The following MPPED1 variants were observed in gnomAD, a reference collection of about 807,000 sequenced individuals.
MPPED1 encodes the protein metallophosphoesterase domain containing 1.
A neutral mutation model predicts 36.2 loss-of-function variants in MPPED1; 16 were observed. The observed-to-expected ratio is 0.44, with a 90% confidence interval of 0.30 to 0.67. The LOEUF is 0.67. MPPED1 is among the 30% of genes least tolerant of loss of function. MPPED1 has a pLI of 0.10. For synonymous variants in MPPED1, 199 were observed against 191.3 expected (o/e 1.04, Z -0.33); for missense variants, 307 against 453.4 (o/e 0.68, Z 2.93).
rs570382671 is a variant in MPPED1, at chr22:43,489,278, G to T, written c.633-8957G>T. 9.7e-4 allele frequency among the ~76,000 whole-genome samples: 147 copies of T among 152,204 alleles called. 1 individual carries two copies. The highest frequency in any genetic ancestry group is 3.3e-3 in the African/African-American group (137 of 41,530). ...CCTCTGCCCAGGGCAGAGCCTGATG[G>T]TGGTTTCCATGAATGTTGTACAGGA... On this transcript the variant is annotated intron_variant, in intron 4 of 6. Coordinates refer to ENST00000443721, the MANE Select transcript of MPPED1 (RefSeq NM_001044370.2).
chr22:43,419,323 C>G (rs1338787297), intron 1 of MPPED1: 1 of 152,212 alleles, frequency 6.6e-6, no homozygotes, highest in East Asian at 1.9e-4. Flanking sequence ...AGGCTCCTGA[C>G]CCAGCCAGGG....
intron 4 of MPPED1, among the ~76,000 whole-genome samples, chr22:43,488,133 G>T (rs1046125854): frequency 2.6e-5 from 4 of 152,132 alleles, no homozygotes; most frequent in African/African-American, 9.7e-5. Flanking sequence ...TGGAGAGGCC[G>T]TGGGCACTGC....
rs1928922576 is a variant in MPPED1, at chr22:43,412,138, C to G, written c.-99C>G. On this transcript the variant is annotated 5_prime_UTR_variant, in exon 1 of 7. Transcript: ENST00000443721. Reference sequence around the variant, plus strand: ...TGCTGCTCGCAGCCGCCGCGGCCGCCGAAGAGGAGCCCGGGGCCAGGTAGG... The same window carrying G: ...TGCTGCTCGCAGCCGCCGCGGCCGCGGAAGAGGAGCCCGGGGCCAGGTAGG... The G allele has an allele frequency of 8.2e-6, 8 of 979,364 alleles. No individual in the cohort carries two copies. The highest frequency in any genetic ancestry group is 6.0e-6 in the Non-Finnish European group (5 of 827,620). The allele number at this position is 979,364 out of a possible 1,614,324, so 60.7% of individuals were successfully genotyped here.
At chr22:43,504,274 A>G (rs1286332178) in intron 6 of MPPED1, among the ~76,000 whole-genome samples, 1 of 151,872 alleles carries the variant, frequency 6.6e-6, no homozygotes. Flanking sequence ...TGCTGATACA[A>G]TAATAATGAG....
intron 3 of MPPED1, among the ~76,000 whole-genome samples, chr22:43,458,890 G>A (rs1428641053): frequency 1.3e-5 from 2 of 152,162 alleles, no homozygotes; most frequent in Admixed American, 6.5e-5. Flanking sequence ...GAAGCCAGCT[G>A]CTACTGAGGA....
intron 2 of MPPED1, 106 bp downstream of exon 2, chr22:43,425,315 A>C: frequency 6.9e-7 from 1 of 1,441,054 alleles, no homozygotes; most frequent in South Asian, 1.5e-5. Flanking sequence ...CAAGCATTGA[A>C]TGTTTGTTGA....
intron 1 of MPPED1, among the ~76,000 whole-genome samples, chr22:43,414,176 G>C (rs1268483187): frequency 6.6e-6 from 1 of 152,214 alleles, no homozygotes; most frequent in Non-Finnish European, 1.5e-5. Context: ...CATCGTTCTT[G>C]AAAAGCCTGC....
At chr22:43,494,653 G>A (rs572478060) in intron 4 of MPPED1, among the ~76,000 whole-genome samples, 20 of 133,350 alleles carry the variant, frequency 1.5e-4, no homozygotes, top group Middle Eastern at 7.3e-3. Flanking sequence ...AGGTCCTGGG[G>A]GTTGGCAACA....
At chr22:43,489,421 C>T (rs1932015482) in intron 4 of MPPED1, among the ~76,000 whole-genome samples, 1 of 152,106 alleles carries the variant, frequency 6.6e-6, no homozygotes, top group Non-Finnish European at 1.5e-5. Context: ...AAGAAGTCCC[C>T]CTTTCCCAGC....
At chr22:43,463,445 C>A (rs886171794) in intron 3 of MPPED1, among the ~76,000 whole-genome samples, 1 of 151,896 alleles carries the variant, frequency 6.6e-6, no homozygotes, top group African/African-American at 2.4e-5. Context: ...TGTCCTCCCA[C>A]CTCAGCCTCC....
At chr22:43,482,198 G>A (rs1158598420) in intron 4 of MPPED1, among the ~76,000 whole-genome samples, 1 of 152,186 alleles carries the variant, frequency 6.6e-6, no homozygotes, top group Non-Finnish European at 1.5e-5. Context: ...TCATTTAACT[G>A]AAAACGGCCT....
intron 5 of MPPED1, among the ~76,000 whole-genome samples, chr22:43,500,670 C>G (rs984939165): frequency 6.6e-6 from 1 of 152,028 alleles, no homozygotes; most frequent in African/African-American, 2.4e-5. Context: ...CCATCACTCC[C>G]TCAGTGCTTG....
At chr22:43,500,678 T>G (rs1932706891) in intron 5 of MPPED1, among the ~76,000 whole-genome samples, 1 of 151,982 alleles carries the variant, frequency 6.6e-6, no homozygotes, top group South Asian at 2.1e-4. Context: ...CCCTCAGTGC[T>G]TGGGACCAGC....
chr22:43,460,327 T>C (rs1930914272), intron 3 of MPPED1, among the ~76,000 whole-genome samples: 2 of 146,438 alleles, frequency 1.4e-5, no homozygotes. Flanking sequence ...ATTTGTTTGT[T>C]TGTTGTTGTT....
chr22:43,495,522 AGGTGGTGGTGGTGGAGATG>A, intron 4 of MPPED1, among the ~76,000 whole-genome samples: 1 of 14,300 alleles, frequency 7.0e-5, no homozygotes, highest in Admixed American at 7.0e-4. Context: ...GTGGTGGTGG[AGGTGGTGGTGGTGGAGATG>A]GTGGTGGTGG....
chr22:43,444,419 T>G (rs1930263555), intron 3 of MPPED1, among the ~76,000 whole-genome samples: 1 of 144,564 alleles, frequency 6.9e-6, no homozygotes. Flanking sequence ...CAGGCTAGAG[T>G]GCAACGGCGC....
chr22:43,472,019 C>T (rs530400488), intron 3 of MPPED1, among the ~76,000 whole-genome samples: 26 of 152,226 alleles, frequency 1.7e-4, no homozygotes, highest in African/African-American at 6.3e-4. Context: ...TAAGAGTGGG[C>T]GGTACCTTCA....
At chr22:43,447,883 A>ATATATATAT (rs1321289636) in intron 3 of MPPED1, among the ~76,000 whole-genome samples, 124 of 67,702 alleles carry the variant, frequency 1.8e-3, no homozygotes, top group Middle Eastern at 9.4e-3. Context: ...ATATATATAT[A>ATATATATAT]TTTTTTTTTT....
In MPPED1 at chr22:43,498,253, C is replaced by T; in HGVS notation, c.651C>T (p.Gly217=). 6 of 1,535,196 alleles carry T rather than the reference C, an allele frequency of 3.9e-6. No homozygotes were observed. The highest frequency in any genetic ancestry group is 5.2e-6 in the Non-Finnish European group (6 of 1,146,436). The change falls in exon 5 of 7, where the codon GGC becomes GGT. Residue 217 remains glycine, a synonymous_variant. Transcript: ENST00000443721. ...TCTACAGGCAGCCCTGGTTCTACGG[C>T]TGGGGCTTCAACCTCCCGCGAGGCC... The part of the protein sequence containing the change: ...YGSPWQPWFY[G]WGFNLPRGQA...
Sources: gnomAD v4.1 joint callset for allele counts (sites outside exome capture counted in the v4.1 genomes callset) on GRCh38, gnomAD v4.1.1 for gene constraint, MANE v1.5 for transcripts, NCBI Gene and HGNC (gene_info 2026-07-23, HGNC 2026-07-21) for gene names.